Variants in CSMD3 observed in about 807,000 individuals in gnomAD.
CSMD3 encodes CUB and Sushi multiple domains 3.
A neutral mutation model predicts 435.2 loss-of-function variants in CSMD3; 177 were observed. The observed-to-expected ratio is 0.41, with a 90% CI of 0.36 to 0.46. The LOEUF is 0.46. Ranked by LOEUF, CSMD3 falls within the 20% of genes least tolerant of loss-of-function variation. The pLI, the probability that CSMD3 is intolerant of heterozygous loss-of-function variation, is 0.34. For synonymous variants in CSMD3, 1,656 were observed against 1,520.5 expected, an observed-to-expected ratio of 1.09 and a Z score of -2.07; for missense variants, 4,265 against 4,504.6, an observed-to-expected ratio of 0.95 and a Z score of 1.52.
chr8:113,229,993 G>A, intron 3 of CSMD3, among the ~76,000 whole-genome samples: 1 of 151,592 alleles, frequency 6.6e-6, no homozygotes, highest in East Asian at 1.9e-4. Context: ...TGTTTACCAT[G>A]TCCAGTATGG....
rs1350944756 is a variant in CSMD3 at position 112,254,241 on chromosome 8, T to TA, written c.10110+11dup. 1.9e-6 allele frequency: 3 copies of TA among 1,601,162 alleles called. No individual in the cohort carries two copies. The South Asian group carries it at 3.3e-5, about 18-fold the overall frequency. Reference sequence around the variant, plus strand: ...TAGTATGATGCTAAATGGACATAGCTAAAGTACCCACTTGAAATCCGAATG... The same window carrying TA: ...TAGTATGATGCTAAATGGACATAGCTAAAAGTACCCACTTGAAATCCGAATG... On this transcript the variant is annotated intron_variant, in intron 63 of 70. Transcript: ENST00000297405.
intron 7 of CSMD3, among the ~76,000 whole-genome samples, chr8:112,961,224 A>C (rs1479748054): frequency 2.6e-5 from 4 of 151,886 alleles, no homozygotes; most frequent in African/African-American, 9.6e-5. Flanking sequence ...AAATTTGTTA[A>C]CTATTTTGTG....
chr8:112,963,067 C>T (rs898675888), intron 7 of CSMD3, among the ~76,000 whole-genome samples: 5 of 151,896 alleles, frequency 3.3e-5, no homozygotes, highest in African/African-American at 4.8e-5. Context: ...TTCCAGCAGG[C>T]GGATGAAGGG....
chr8:113,092,317 A>AG (rs995515459), intron 5 of CSMD3, among the ~76,000 whole-genome samples: 1 of 152,054 alleles, frequency 6.6e-6, no homozygotes, highest in Non-Finnish European at 1.5e-5. Context: ...ACACACACAT[A>AG]TTTCTATAAT....
intron 59 of CSMD3, among the ~76,000 whole-genome samples, chr8:112,267,000 T>C (rs2130431557): frequency 6.6e-6 from 1 of 152,286 alleles, no homozygotes; most frequent in Non-Finnish European, 1.5e-5. Context: ...TGGGTTATTT[T>C]TTTTCTCTCT....
At chr8:112,523,776 A>G (rs1046208076) in intron 27 of CSMD3, among the ~76,000 whole-genome samples, 2 of 152,050 alleles carry the variant, frequency 1.3e-5, no homozygotes, top group Non-Finnish European at 2.9e-5. Flanking sequence ...AATGTTCAAC[A>G]TCATTATTAG....
At chr8:113,076,531 T>C (rs2089344417) in intron 5 of CSMD3, among the ~76,000 whole-genome samples, 1 of 152,056 alleles carries the variant, frequency 6.6e-6, no homozygotes, top group African/African-American at 2.4e-5. Flanking sequence ...AAAAATGTGA[T>C]TAATGTAAAA....
At chr8:112,639,889 G>T (rs1174321466) in intron 20 of CSMD3, among the ~76,000 whole-genome samples, 1 of 152,220 alleles carries the variant, frequency 6.6e-6, no homozygotes, top group South Asian at 2.1e-4. Context: ...GTACAGCCAT[G>T]AACATTTATC....
intron 22 of CSMD3, among the ~76,000 whole-genome samples, chr8:112,590,119 G>A (rs1160825724): frequency 6.6e-6 from 1 of 151,974 alleles, no homozygotes; most frequent in Non-Finnish European, 1.5e-5. Context: ...GCTCTGATTT[G>A]GAAAAAATAA....
intron 13 of CSMD3, among the ~76,000 whole-genome samples, chr8:112,691,639 T>C (rs1290772423): frequency 6.6e-6 from 1 of 152,172 alleles, no homozygotes; most frequent in East Asian, 1.9e-4. Context: ...GATTTTTTAA[T>C]ATCTCCTTTA....
At chr8:112,594,948 C>A (rs1206930340) in intron 22 of CSMD3, among the ~76,000 whole-genome samples, 1 of 151,894 alleles carries the variant, frequency 6.6e-6, no homozygotes, top group Non-Finnish European at 1.5e-5. Context: ...AACTCTAAAA[C>A]GCAGAGCGCC....
At chr8:113,095,921 T>C (rs903417577) in intron 5 of CSMD3, among the ~76,000 whole-genome samples, 11 of 152,072 alleles carry the variant, frequency 7.2e-5, no homozygotes, top group African/African-American at 2.7e-4. Context: ...CTGTACTGTA[T>C]TGTTTTTCCT....
At chr8:112,339,372 A>G (rs1044716931) in intron 42 of CSMD3, among the ~76,000 whole-genome samples, 1 of 151,918 alleles carries the variant, frequency 6.6e-6, no homozygotes, top group Non-Finnish European at 1.5e-5. Context: ...CTTCATCTAC[A>G]TGGGGTGAGC....
intron 10 of CSMD3, among the ~76,000 whole-genome samples, chr8:112,920,427 AT>A (rs2082699825): frequency 1.3e-5 from 2 of 151,860 alleles, no homozygotes; most frequent in East Asian, 3.9e-4. Flanking sequence ...TTATATTCAT[AT>A]TTTTAAACAT....
chr8:112,341,287 A>G (rs1825084097), intron 42 of CSMD3, among the ~76,000 whole-genome samples, 190 bp downstream of exon 42: 1 of 152,008 alleles, frequency 6.6e-6, no homozygotes, highest in African/African-American at 2.4e-5. Flanking sequence ...TCAGAGAGAC[A>G]TCATTCTCCC....
At chr8:112,392,713 G>T (rs1830530707) in intron 35 of CSMD3, among the ~76,000 whole-genome samples, 1 of 151,004 alleles carries the variant, frequency 6.6e-6, no homozygotes, top group Admixed American at 6.6e-5. Flanking sequence ...GCCTCCCTAT[G>T]GCTGGTATGT....
chr8:112,555,153 T>C (rs1828007083), intron 25 of CSMD3, among the ~76,000 whole-genome samples: 1 of 151,956 alleles, frequency 6.6e-6, no homozygotes, highest in Admixed American at 6.6e-5. Context: ...CAAGTCAACA[T>C]GTTTTGATTT....
intron 1 of CSMD3, among the ~76,000 whole-genome samples, chr8:113,343,615 G>T: frequency 6.6e-6 from 1 of 152,110 alleles, no homozygotes; most frequent in African/African-American, 2.4e-5. Context: ...TATAGATTTA[G>T]AAAGGTCAGA....
At chr8:112,444,887 A>G (rs2130538571) in intron 32 of CSMD3, among the ~76,000 whole-genome samples, 1 of 152,320 alleles carries the variant, frequency 6.6e-6, no homozygotes, top group African/African-American at 2.4e-5. Flanking sequence ...AAAATGTATG[A>G]TTGAAATGAA....
Sources: gnomAD v4.1 joint callset for allele counts (sites outside exome capture counted in the v4.1 genomes callset) on GRCh38, gnomAD v4.1.1 for gene constraint, MANE v1.5 for transcripts, NCBI Gene and HGNC (gene_info 2026-07-23, HGNC 2026-07-21) for gene names.